The following TES variants were observed in gnomAD, a reference collection of about 807,000 sequenced individuals.
TES encodes testin.
A neutral mutation model predicts 48.2 loss-of-function variants in TES; 41 were observed. The ratio of observed to expected loss-of-function variants is 0.85; its 90% confidence interval spans 0.66 to 1.10. The LOEUF is 1.10. Ranked by LOEUF, TES falls within the 50% of genes least tolerant of loss-of-function variation. The pLI is 0.00. For synonymous variants in TES, 162 were observed against 174.9 expected (o/e 0.93, Z 0.58); for missense variants, 463 against 515.1 (o/e 0.90, Z 0.98).
At chr7:116,219,598 T>C (rs2116574851) in intron 1 of TES, among the ~76,000 whole-genome samples, 2 of 144,604 alleles carry the variant, frequency 1.4e-5, no homozygotes, top group Middle Eastern at 3.6e-3. Flanking sequence ...TTAAGCCTCT[T>C]CTTATGCCAA....
rs150436502 is a variant in TES at position 116,226,099 on chromosome 7, T to G, written c.28-8435T>G. On this transcript the variant is annotated intron_variant, in intron 1 of 6. Transcript: ENST00000358204. Reference sequence around the variant, plus strand: ...TATCACCACCCCTTCCAGTGTCTTTTTGTGTGTGTGTAAAAAGGCAGTGGA... The same window carrying G: ...TATCACCACCCCTTCCAGTGTCTTTGTGTGTGTGTGTAAAAAGGCAGTGGA... Among the ~76,000 whole-genome samples, 443 of 152,314 alleles carry G rather than the reference T, an allele frequency of 2.9e-3. 3 individuals are homozygous for G. The highest frequency in any genetic ancestry group is 0.01 in the African/African-American group (421 of 41,556).
At chr7:116,213,976 AT>A (rs935703490) in intron 1 of TES, among the ~76,000 whole-genome samples, 2 of 151,804 alleles carry the variant, frequency 1.3e-5, no homozygotes, top group Non-Finnish European at 2.9e-5. Flanking sequence ...CATGAGAAAT[AT>A]TTTTTTTCAA....
chr7:116,229,930 A>G (rs1313608168), intron 1 of TES, among the ~76,000 whole-genome samples: 1 of 152,180 alleles, frequency 6.6e-6, no homozygotes, highest in Non-Finnish European at 1.5e-5. Flanking sequence ...AAATATGGAA[A>G]AAGTTCTCAC....
chr7:116,242,468 T>G (rs941237245), intron 2 of TES, among the ~76,000 whole-genome samples: 4 of 152,072 alleles, frequency 2.6e-5, no homozygotes, highest in Non-Finnish European at 5.9e-5. Context: ...GATTTCTGAC[T>G]AGTGTGCACA....
intron 5 of TES, 115 bp downstream of exon 5, chr7:116,252,090 G>A: frequency 1.7e-6 from 2 of 1,162,386 alleles, no homozygotes; most frequent in Non-Finnish European, 1.2e-6. Flanking sequence ...TACATCCAAA[G>A]AAGTTTTAAA....
At chr7:116,224,571 A>T (rs946430489) in intron 1 of TES, among the ~76,000 whole-genome samples, 3 of 151,700 alleles carry the variant, frequency 2.0e-5, no homozygotes, top group Admixed American at 6.6e-5. Context: ...TTGCTGTAAC[A>T]TTGAAAGAGA....
chr7:116,255,592 A>G (rs1461650079), intron 6 of TES, among the ~76,000 whole-genome samples: 1 of 152,206 alleles, frequency 6.6e-6, no homozygotes, highest in Non-Finnish European at 1.5e-5. Flanking sequence ...AACATTAGTT[A>G]TCTCTTTTTT....
chr7:116,223,408 T>G (rs1324292336), intron 1 of TES, among the ~76,000 whole-genome samples: 1 of 152,230 alleles, frequency 6.6e-6, no homozygotes, highest in Non-Finnish European at 1.5e-5. Context: ...TAAAAGTTTA[T>G]GTAAATCTTT....
chr7:116,249,443 A>G, intron 3 of TES, 171 bp downstream of exon 3: 1 of 784,752 alleles, frequency 1.3e-6, no homozygotes. Context: ...GTAAGACTAG[A>G]TACTTCATAA....
intron 4 of TES, 199 bp from the exon 5 acceptor site, chr7:116,251,561 T>C: frequency 1.8e-6 from 1 of 548,684 alleles, no homozygotes; most frequent in South Asian, 2.0e-5. Context: ...CAGGCGCCTG[T>C]AGTCCCAGCT....
intron 1 of TES, chr7:116,218,073 G>C: frequency 2.5e-6 from 1 of 396,744 alleles, no homozygotes. Flanking sequence ...GGCTTAAAGT[G>C]GGAGAGCGTT....
intron 6 of TES, among the ~76,000 whole-genome samples, chr7:116,255,822 G>A (rs1800090698): frequency 6.6e-6 from 1 of 152,116 alleles, no homozygotes. Context: ...ACCCTGATTT[G>A]ATCACTACAC....
intron 1 of TES, among the ~76,000 whole-genome samples, chr7:116,212,459 A>T (rs187520930): frequency 8.9e-4 from 136 of 152,290 alleles, no homozygotes; most frequent in African/African-American, 3.2e-3. Flanking sequence ...CTGCACTGAT[A>T]CGGGTTGTTG....
intron 1 of TES, among the ~76,000 whole-genome samples, chr7:116,217,321 A>G (rs73719135): frequency 0.12 from 18,242 of 152,166 alleles, 1,100 homozygotes; most frequent in South Asian, 0.19. Flanking sequence ...TTAGAATGTG[A>G]AAAAGATTAT....
chr7:116,252,273 CTCT>C (rs767434214), intron 5 of TES, 42 bp from the exon 6 acceptor site: 1 of 1,550,340 alleles, frequency 6.5e-7, no homozygotes. Context: ...AGATATAAAT[CTCT>C]TATTATATAA....
At chr7:116,256,533 C>T (rs964641789) in intron 6 of TES, among the ~76,000 whole-genome samples, 1 of 152,172 alleles carries the variant, frequency 6.6e-6, no homozygotes, top group Admixed American at 6.5e-5. Context: ...TCTGCTATAA[C>T]ATAGGTTATT....
chr7:116,217,567 C>A (rs1213572380), intron 1 of TES, among the ~76,000 whole-genome samples: 1 of 151,818 alleles, frequency 6.6e-6, no homozygotes, highest in African/African-American at 2.4e-5. Context: ...GTGGTGGTAT[C>A]CAGAGAAATT....
chr7:116,250,046 C>A, intron 3 of TES, 115 bp from the exon 4 acceptor site: 2 of 761,146 alleles, frequency 2.6e-6, no homozygotes, highest in Non-Finnish European at 3.8e-6. Flanking sequence ...GGGTGAGTTG[C>A]TGCTATTGGA....
rs1391509998 is a variant in TES at position 116,234,679 on chromosome 7, G to A, written c.113+60G>A. 17 of 1,372,128 alleles carry A rather than the reference G, an allele frequency of 1.2e-5. 1 individual carries two copies. The highest frequency in any genetic ancestry group is 1.6e-5 in the Non-Finnish European group (15 of 961,708). 85.0% of individuals were successfully genotyped at this position (1,372,128 alleles called of 1,614,324 possible). ...TTATACTTTTTGCAATACTTCCTCAGACAGTGGAGATATCTTCGAGTTCTC... is the reference window on the plus strand; with the variant it reads ...TTATACTTTTTGCAATACTTCCTCAAACAGTGGAGATATCTTCGAGTTCTC... On this transcript the variant is annotated intron_variant, in intron 2 of 6. Transcript: ENST00000358204.
Sources: gnomAD v4.1 joint callset for allele counts (sites outside exome capture counted in the v4.1 genomes callset) on GRCh38, gnomAD v4.1.1 for gene constraint, MANE v1.5 for transcripts, NCBI Gene and HGNC (gene_info 2026-07-23, HGNC 2026-07-21) for gene names.